FRK: variants seen among roughly 807,000 people sequenced by gnomAD.
FRK encodes tyrosine-protein kinase FRK.
FRK carries 51 observed loss-of-function variants against 56.4 expected under a neutral mutation model. The observed-to-expected ratio is 0.90, with a 90% CI of 0.72 to 1.14. The LOEUF is 1.14. Ranked by LOEUF, FRK falls within the 50% of genes most tolerant of loss-of-function variation. The pLI, the probability that FRK is intolerant of heterozygous loss-of-function variation, is 0.00. For missense variants in FRK, 570 were observed against 601.4 expected (o/e 0.95, Z 0.55); for synonymous variants, 245 against 217.9 (o/e 1.12, Z -1.10).
At chr6:115,989,428 A>T (rs1478715957) in intron 2 of FRK, among the ~76,000 whole-genome samples, 2 of 151,724 alleles carry the variant, frequency 1.3e-5, no homozygotes, top group Non-Finnish European at 3.0e-5. Context: ...TACATTTTTA[A>T]ACTCTCACTC....
In FRK at chr6:115,942,578, G is replaced by A; in HGVS notation, c.1354C>T (p.Leu452Phe). ...TGTGGACAGTTGGATGGTTGCGGAAGTCTATAGTTTTGAGCCAACATCTGG... is the reference window on the plus strand; with the variant it reads ...TGTGGACAGTTGGATGGTTGCGGAAATCTATAGTTTTGAGCCAACATCTGG... The part of the protein sequence containing the change: ...VIQMLAQNYR[L>F]PQPSNCPQQF... Residue 452 changes from leucine to phenylalanine, a missense_variant, in exon 8 of 8, where the codon CTT becomes TTT. Physicochemically the swap from Leu to Phe is conservative, Grantham distance 22. Transcript: ENST00000606080. 1.2e-6 allele frequency: 2 copies of A among 1,613,780 alleles called. No homozygotes were observed. Among genetic ancestry groups the A allele is most frequent in the Non-Finnish European group, 1.7e-6 (2 of 1,179,804 alleles).
the FRK span, among the ~76,000 whole-genome samples, chr6:116,078,879 C>T: frequency 2.0e-5 from 3 of 152,114 alleles, no homozygotes; most frequent in Admixed American, 2.0e-4. Context: ...TTTGTTCATA[C>T]AGTTACCGTT....
chr6:115,948,824 A>T (rs552773061), intron 5 of FRK, among the ~76,000 whole-genome samples: 1 of 152,316 alleles, frequency 6.6e-6, no homozygotes, highest in Admixed American at 6.5e-5. Context: ...TAGAAAACTA[A>T]TACAGATTGA....
chr6:116,090,418 C>G, the FRK span, among the ~76,000 whole-genome samples: 1 of 152,206 alleles, frequency 6.6e-6, no homozygotes, highest in East Asian at 1.9e-4. Context: ...GTACATACAT[C>G]TTCTTTTTCT....
chr6:116,074,071 T>TCA, the FRK span, among the ~76,000 whole-genome samples: 55,760 of 151,998 alleles, frequency 0.37, 10,677 homozygotes, highest in Middle Eastern at 0.49. Context: ...TCTTGGTGTC[T>TCA]CAGAGTTAGG....
At chr6:116,041,145 A>G (rs1776693324) in intron 1 of FRK, among the ~76,000 whole-genome samples, 1 of 152,214 alleles carries the variant, frequency 6.6e-6, no homozygotes, top group African/African-American at 2.4e-5. Context: ...ACTTTGATAA[A>G]AGATAGCACA....
At chr6:116,034,148 A>G (rs939020761) in intron 1 of FRK, among the ~76,000 whole-genome samples, 1 of 152,152 alleles carries the variant, frequency 6.6e-6, no homozygotes, top group Admixed American at 6.6e-5. Context: ...GGGTAAAAAC[A>G]TACAGTTAGA....
At chr6:116,013,417 T>C (rs935000929) in intron 1 of FRK, among the ~76,000 whole-genome samples, 3 of 152,196 alleles carry the variant, frequency 2.0e-5, no homozygotes, top group African/African-American at 7.2e-5. Flanking sequence ...TATAATGACA[T>C]TTCCAATCAT....
chr6:116,004,301 C>A (rs1409391748), intron 1 of FRK, among the ~76,000 whole-genome samples: 1 of 152,084 alleles, frequency 6.6e-6, no homozygotes, highest in African/African-American at 2.4e-5. Context: ...AAGCCAAAGC[C>A]CCAGTGTCTG....
In FRK at chr6:115,931,499, A is replaced by G. The variant is rs181290571; in HGVS notation, c.*10915T>C. 5.2e-4 allele frequency: 79 copies of G among 152,328 alleles called. 1 individual carries two copies. In the East Asian group the frequency reaches 0.014, roughly 27 times the overall value. 9.4% of individuals were successfully genotyped at this position (152,328 alleles called of 1,614,324 possible). A position where few individuals can be genotyped will look rare whatever the true frequency, so the allele number is the denominator to read the frequency against. ...AATATGTGTCACATGTAACTGTACA[A>G]TATAAATATTAAAGAATACAATATA... On this transcript the variant is annotated 3_prime_UTR_variant, in exon 8 of 8. Coordinates refer to ENST00000606080, the MANE Select transcript of FRK (RefSeq NM_002031.3).
Position 115,934,237 on chromosome 6 carries a change from C to G in FRK, c.*8177G>C, listed in dbSNP as rs532822854. The G allele has an allele frequency of 6.6e-6, 1 of 152,088 alleles. No homozygotes were observed. The highest frequency in any genetic ancestry group is 2.4e-5 in the African/African-American group (1 of 41,410). 9.4% of individuals were successfully genotyped at this position (152,088 alleles called of 1,614,324 possible). ...TATTCTCTGCTTTTATTCAGATAAG[C>G]CAACCTCTCAACTTGTCTCTGAGGA... is the stretch of plus-strand genomic sequence containing the variant. On this transcript the variant is annotated 3_prime_UTR_variant, in exon 8 of 8. Transcript: ENST00000606080.
At chr6:116,058,745 C>T (rs1243696897) in intron 1 of FRK, among the ~76,000 whole-genome samples, 1 of 151,348 alleles carries the variant, frequency 6.6e-6, no homozygotes, top group Non-Finnish European at 1.5e-5. Context: ...CCCGTCTCTA[C>T]TAAAAATACA....
At position 116,060,231 on chromosome 6, in the gene FRK, G is replaced by A. The variant is rs769845281; in HGVS notation, c.81C>T (p.Thr27=). The change falls in exon 1 of 8, where the codon ACC becomes ACT. Residue 27 remains threonine, a synonymous_variant. Transcript: ENST00000606080. The part of the protein sequence containing the change: ...PCLSTEADKS[T]VIENPGALCS... Reference sequence around the variant, plus strand: ...AAAGGGCCCCTGGATTTTCAATCACGGTTGACTTGTCTGCCTCCGTGGACA... The same window carrying A: ...AAAGGGCCCCTGGATTTTCAATCACAGTTGACTTGTCTGCCTCCGTGGACA... 6.2e-7 allele frequency: 1 copy of A among 1,614,126 alleles called. No individual in the cohort carries two copies. The highest frequency in any genetic ancestry group is 1.1e-5 in the South Asian group (1 of 91,074).
chr6:115,993,324 T>A (rs954442532), intron 2 of FRK, among the ~76,000 whole-genome samples: 1 of 151,894 alleles, frequency 6.6e-6, no homozygotes, highest in East Asian at 1.9e-4. Flanking sequence ...AGATTTTATA[T>A]GTTTTTATTG....
intron 1 of FRK, among the ~76,000 whole-genome samples, chr6:116,025,288 ATATC>A (rs1314394198): frequency 2.6e-5 from 4 of 152,186 alleles, no homozygotes; most frequent in Non-Finnish European, 5.9e-5. Flanking sequence ...CAGAAAGTAA[ATATC>A]TAATTGGCAA....
At chr6:116,086,089 T>G in the FRK span, among the ~76,000 whole-genome samples, 1 of 151,814 alleles carries the variant, frequency 6.6e-6, no homozygotes, top group Non-Finnish European at 1.5e-5. Context: ...CACTGTAAGC[T>G]CCGCCTCCCG....
chr6:116,099,964 A>G, the FRK span, among the ~76,000 whole-genome samples: 52,009 of 152,180 alleles, frequency 0.34, 11,308 homozygotes, highest in East Asian at 0.77. Context: ...AGAGAATTAA[A>G]TGCCCTAAGG....
chr6:115,952,843 G>A (rs1772821180), intron 5 of FRK, among the ~76,000 whole-genome samples: 1 of 147,440 alleles, frequency 6.8e-6, no homozygotes, highest in South Asian at 2.1e-4. Flanking sequence ...AACACCGCAT[G>A]TTCTTACTCA....
At chr6:115,959,243 C>T (rs1773227864) in intron 4 of FRK, among the ~76,000 whole-genome samples, 1 of 152,166 alleles carries the variant, frequency 6.6e-6, no homozygotes, top group African/African-American at 2.4e-5. Context: ...TAACCAATCA[C>T]TAAAGCTGTT....
Sources: allele counts gnomAD v4.1 joint callset (sites outside exome capture counted in the v4.1 genomes callset), GRCh38; gene constraint gnomAD v4.1.1; transcripts MANE v1.5; gene names NCBI Gene and HGNC (gene_info 2026-07-23, HGNC 2026-07-21).